The following ZHX1 variants were observed in gnomAD, a reference collection of about 807,000 sequenced individuals.
ZHX1 encodes the protein zinc fingers and homeoboxes protein 1.
ZHX1 carries 20 observed loss-of-function variants against 61.8 expected under a neutral mutation model. The observed-to-expected ratio is 0.32, with a 90% CI of 0.23 to 0.47. The LOEUF is 0.47. ZHX1 is among the 20% of genes least tolerant of loss of function. ZHX1 has a pLI of 1.00. For synonymous variants in ZHX1, 318 were observed against 352.6 expected (o/e 0.90, Z 1.10); for missense variants, 800 against 1,034.8 (o/e 0.77, Z 3.11).
At chr8:123,270,211 A>G (rs1004281036) in intron 1 of ZHX1, among the ~76,000 whole-genome samples, 2 of 152,318 alleles carry the variant, frequency 1.3e-5, no homozygotes, top group South Asian at 2.1e-4. Flanking sequence ...GAAGAAAAAT[A>G]TAATTATTAG....
At chr8:123,262,544 G>A (rs892215773) in intron 2 of ZHX1, among the ~76,000 whole-genome samples, 3 of 152,008 alleles carry the variant, frequency 2.0e-5, no homozygotes, top group African/African-American at 7.2e-5. Context: ...ACAGAGTCCC[G>A]TTACGTTGCC....
intron 1 of ZHX1, among the ~76,000 whole-genome samples, chr8:123,267,989 G>A (rs918363568): frequency 1.3e-5 from 2 of 151,210 alleles, no homozygotes; most frequent in African/African-American, 2.5e-5. Flanking sequence ...CAACAAGAGC[G>A]AAACTCTGAC....
Position 123,250,183 on chromosome 8 carries a change from T to C in ZHX1, c.*141A>G, listed in dbSNP as rs925285777. ...AACTTTGGCACAACATTAAGTTCCA[T>C]TTCTTTTGGGTATTGGATCCTGCTT... On this transcript the variant is annotated 3_prime_UTR_variant, in exon 4 of 4. Transcript: ENST00000395571. The C allele has an allele frequency of 4.5e-6, 2 of 447,262 alleles. No homozygotes were observed. The highest frequency in any genetic ancestry group is 9.0e-6 in the Non-Finnish European group (2 of 223,310). The allele number at this position is 447,262 out of a possible 1,614,324, so 27.7% of individuals were successfully genotyped here. A position where few individuals can be genotyped will look rare whatever the true frequency, so the allele number is the denominator to read the frequency against.
Position 123,249,734 on chromosome 8 carries a change from C to T in ZHX1, c.*590G>A, listed in dbSNP as rs754348169. 2 of 150,750 alleles carry T rather than the reference C, an allele frequency of 1.3e-5. No individual in the cohort carries two copies. The highest frequency in any genetic ancestry group is 4.9e-5 in the African/African-American group (2 of 41,054). 9.3% of individuals were successfully genotyped at this position (150,750 alleles called of 1,614,324 possible). ...AAACCATAAAATCTTATTGTTTCAA[C>T]ATATATAAATAGGCTGTTTTTACAT... On this transcript the variant is annotated 3_prime_UTR_variant, in exon 4 of 4. Transcript: ENST00000395571.
intron 1 of ZHX1, among the ~76,000 whole-genome samples, chr8:123,269,973 TC>T (rs11293525): frequency 1 from 152,262 of 152,262 alleles, 76,131 homozygotes; most frequent in Non-Finnish European, 1. Flanking sequence ...ATTTAACCTC[TC>T]CCCCCACAAA....
upstream of ZHX1, chr8:123,274,567 C>A (rs1334782641): frequency 1.3e-5 from 2 of 152,314 alleles, no homozygotes; most frequent in Non-Finnish European, 2.9e-5. Flanking sequence ...GACCCCGGCC[C>A]CTAGTCCGGG....
chr8:123,259,363 C>A (rs1185781281), intron 2 of ZHX1, among the ~76,000 whole-genome samples: 4 of 151,406 alleles, frequency 2.6e-5, no homozygotes, highest in African/African-American at 9.7e-5. Context: ...CCAATGTTAT[C>A]TTTTAATCAA....
At chr8:123,272,681 G>C (rs1563817049) in intron 1 of ZHX1, among the ~76,000 whole-genome samples, 1 of 152,132 alleles carries the variant, frequency 6.6e-6, no homozygotes, top group Non-Finnish European at 1.5e-5. Flanking sequence ...AAAGCTTTCA[G>C]ACAAAGACTG....
Position 123,255,139 on chromosome 8 carries a change from G to C in ZHX1, c.808C>G (p.Gln270Glu). The change falls in exon 3 of 4, where the codon CAG (glutamine) becomes GAG (glutamate). Residue 270 changes from glutamine (Q) to glutamate (E), a missense_variant. Coordinates refer to ENST00000395571, the MANE Select transcript of ZHX1 (RefSeq NM_007222.5). Reference sequence around the variant, plus strand: ...TTGGGAATCAAATTAGAATTCTGCTGAGCAGATACAGCAGTTATCACCTGT... The same window carrying C: ...TTGGGAATCAAATTAGAATTCTGCTCAGCAGATACAGCAGTTATCACCTGT... ...LAQVITAVSAQQNSNLIPKVL... is the reference protein window; with the variant it reads ...LAQVITAVSAEQNSNLIPKVL... 1 of 1,614,180 alleles carries C rather than the reference G, an allele frequency of 6.2e-7. No individual in the cohort carries two copies. The highest frequency in any genetic ancestry group is 2.2e-5 in the East Asian group (1 of 44,876).
intron 1 of ZHX1, among the ~76,000 whole-genome samples, chr8:123,270,817 G>T (rs527787554): frequency 6.6e-6 from 1 of 151,612 alleles, no homozygotes; most frequent in East Asian, 1.9e-4. Flanking sequence ...TATTCAACTG[G>T]CTCCCTTGAA....
intron 2 of ZHX1, among the ~76,000 whole-genome samples, chr8:123,266,258 G>C (rs996836996): frequency 6.6e-6 from 1 of 152,156 alleles, no homozygotes. Context: ...TTTACAGCCA[G>C]TCTAACACAA....
chr8:123,258,877 G>T (rs1826160392), intron 2 of ZHX1, among the ~76,000 whole-genome samples: 1 of 152,024 alleles, frequency 6.6e-6, no homozygotes, highest in African/African-American at 2.4e-5. Flanking sequence ...GAATAAAATG[G>T]GTAAGTGATT....
rs964122798 is a variant in ZHX1, at chr8:123,248,958, G to A, written c.*1366C>T. ...GCAGCATTTTGGAATTACTAATAAA[G>A]CTATAGTTAAAAAATAAAAAGTTTA... On this transcript the variant is annotated 3_prime_UTR_variant, in exon 4 of 4. Coordinates refer to ENST00000395571, the MANE Select transcript of ZHX1 (RefSeq NM_007222.5). 2.0e-5 allele frequency: 3 copies of A among 152,428 alleles called. No individual in the cohort carries two copies. The highest frequency in any genetic ancestry group is 7.2e-5 in the African/African-American group (3 of 41,414). 9.4% of individuals were successfully genotyped at this position (152,428 alleles called of 1,614,324 possible).
intron 2 of ZHX1, among the ~76,000 whole-genome samples, chr8:123,260,831 G>A (rs1826226744): frequency 6.6e-6 from 1 of 151,962 alleles, no homozygotes; most frequent in African/African-American, 2.4e-5. Context: ...AGACCAGCCT[G>A]GCCAACATGG....
At chr8:123,262,817 A>T (rs1343393809) in intron 2 of ZHX1, 1 of 152,186 alleles carries the variant, frequency 6.6e-6, no homozygotes, top group African/African-American at 2.4e-5. Flanking sequence ...TAAGGCAAAA[A>T]ACATGGCTAC....
chr8:123,250,382 C>G (rs1039702054), intron 3 of ZHX1, 62 bp from the exon 4 acceptor site: 1 of 355,860 alleles, frequency 2.8e-6, no homozygotes, highest in African/African-American at 2.4e-5. Context: ...TTAATTTTTA[C>G]TACTTTTAGA....
At chr8:123,257,643 T>G (rs1384297034) in intron 2 of ZHX1, among the ~76,000 whole-genome samples, 1 of 152,204 alleles carries the variant, frequency 6.6e-6, no homozygotes, top group Non-Finnish European at 1.5e-5. Flanking sequence ...AGATCTGGCA[T>G]TAGATTCTCA....
Position 123,267,326 on chromosome 8 carries a change from A to G in ZHX1, c.-279T>C. On this transcript the variant is annotated 5_prime_UTR_variant, in exon 2 of 4. Coordinates refer to ENST00000395571, the MANE Select transcript of ZHX1 (RefSeq NM_007222.5). Reference sequence around the variant, plus strand: ...TTTGAAATGGAAGGGTATCCCTTCTAGTTAGATGTTTAGCTCAGGCCATCA... The same window carrying G: ...TTTGAAATGGAAGGGTATCCCTTCTGGTTAGATGTTTAGCTCAGGCCATCA... The G allele has an allele frequency of 1.3e-6, 2 of 1,523,722 alleles. No homozygotes were observed. The highest frequency in any genetic ancestry group is 8.8e-7 in the Non-Finnish European group (1 of 1,138,654). The allele number at this position is 1,523,722 out of a possible 1,614,324, so 94.4% of individuals were successfully genotyped here.
intron 1 of ZHX1, among the ~76,000 whole-genome samples, chr8:123,272,635 C>G (rs1004363001): frequency 5.3e-5 from 8 of 152,118 alleles, no homozygotes; most frequent in Admixed American, 3.3e-4. Flanking sequence ...TTTTCAGAAA[C>G]GAAGATAATT....
Sources: gnomAD v4.1 joint callset for allele counts (sites outside exome capture counted in the v4.1 genomes callset) on GRCh38, gnomAD v4.1.1 for gene constraint, MANE v1.5 for transcripts, NCBI Gene and HGNC (gene_info 2026-07-23, HGNC 2026-07-21) for gene names.